ATF6: variants seen among roughly 807,000 people sequenced by gnomAD.
The protein encoded by ATF6 is cyclic AMP-dependent transcription factor ATF-6 alpha.
A neutral mutation model predicts 83.6 loss-of-function variants in ATF6; 53 were observed. The ratio of observed to expected loss-of-function variants is 0.63; its 90% CI spans 0.51 to 0.80. The LOEUF (loss-of-function observed/expected upper bound fraction) is 0.80, where lower values mean the gene tolerates loss of function less well. ATF6 is among the 30% of genes least tolerant of loss of function. ATF6 has a pLI of 0.00. For synonymous variants in ATF6, 288 were observed against 285.8 expected, an observed-to-expected ratio of 1.01 and a Z score of -0.08; for missense variants, 744 against 797.9, an observed-to-expected ratio of 0.93 and a Z score of 0.81.
At chr1:161,806,263 A>T (rs923893282) in intron 7 of ATF6, among the ~76,000 whole-genome samples, 2 of 152,220 alleles carry the variant, frequency 1.3e-5, no homozygotes, top group African/African-American at 4.8e-5. Flanking sequence ...TAGTGTTGCC[A>T]CACATCAAAC....
At chr1:161,947,689 G>A (rs2101915564) in intron 15 of ATF6, among the ~76,000 whole-genome samples, 1 of 151,868 alleles carries the variant, frequency 6.6e-6, no homozygotes, top group Non-Finnish European at 1.5e-5. Flanking sequence ...CTATTTATAT[G>A]CTTAAGTAGT....
Position 161,782,007 on chromosome 1 carries a change from T to C in ATF6, c.247+8T>C. On this transcript the variant is annotated splice_region_variant and intron_variant, in intron 3 of 15. Transcript: ENST00000367942. The stretch of plus-strand genomic sequence containing the variant: ...ACAACCAAATCTGTACAGGTAATTA[T>C]GTGTTTCACTGGTAAAAGTTTTAAA... 6.4e-7 allele frequency: 1 copy of C among 1,558,006 alleles called. No individual in the cohort carries two copies. Among genetic ancestry groups the C allele is most frequent in the Non-Finnish European group, 8.8e-7 (1 of 1,141,056 alleles).
intron 1 of ATF6, among the ~76,000 whole-genome samples, chr1:161,767,571 A>G (rs1185815264): frequency 6.6e-6 from 1 of 152,210 alleles, no homozygotes; most frequent in African/African-American, 2.4e-5. Context: ...TCCTACCAAC[A>G]GTCCAATGAG....
intron 10 of ATF6, among the ~76,000 whole-genome samples, chr1:161,850,008 C>T (rs1228705929): frequency 6.6e-6 from 1 of 152,130 alleles, no homozygotes; most frequent in Non-Finnish European, 1.5e-5. Flanking sequence ...TTGGTCCACT[C>T]CTCTCCGTCT....
chr1:161,852,318 G>T (rs1012511710), intron 11 of ATF6, among the ~76,000 whole-genome samples: 1 of 152,014 alleles, frequency 6.6e-6, no homozygotes, highest in Non-Finnish European at 1.5e-5. Context: ...ATCAACTACA[G>T]TTAAACATAG....
rs1689104437 is a variant in ATF6, at chr1:161,961,742, GCTCTTGGGGCTGACAATAATACA to G, written c.*3097_*3119del. On this transcript the variant is annotated 3_prime_UTR_variant, in exon 16 of 16. Transcript: ENST00000367942. ...TCCTCCTGTTATTAGATGATTTTGT[GCTCTTGGGGCTGACAATAATACA>G]CTCTTGGGAAGTGATGGTAGAGACT... 6.6e-6 allele frequency: 1 copy of G among 152,114 alleles called. No homozygotes were observed. The highest frequency in any genetic ancestry group is 2.4e-5 in the African/African-American group (1 of 41,410). The allele number at this position is 152,114 out of a possible 1,614,324, so 9.4% of individuals were successfully genotyped here.
chr1:161,770,295 A>G (rs574300422), intron 1 of ATF6, among the ~76,000 whole-genome samples: 2 of 152,320 alleles, frequency 1.3e-5, no homozygotes, highest in East Asian at 1.9e-4. Context: ...CAAAAATACT[A>G]TTTACAGTGT....
chr1:161,930,881 G>T (rs1051981834), intron 15 of ATF6, among the ~76,000 whole-genome samples: 65 of 152,108 alleles, frequency 4.3e-4, no homozygotes, highest in Admixed American at 3.7e-3. Context: ...TAAAATGTAG[G>T]TTCGTAGAAT....
intron 7 of ATF6, among the ~76,000 whole-genome samples, chr1:161,813,922 T>C (rs1274788588): frequency 6.6e-6 from 1 of 151,940 alleles, no homozygotes; most frequent in Admixed American, 6.6e-5. Flanking sequence ...TTCACTTTTG[T>C]TGCCCAGGCT....
At chr1:161,829,777 A>G (rs895270589) in intron 9 of ATF6, among the ~76,000 whole-genome samples, 17 of 152,230 alleles carry the variant, frequency 1.1e-4, no homozygotes, top group African/African-American at 4.1e-4. Context: ...AAAACTCTCA[A>G]TAAACTAGGT....
chr1:161,813,276 A>G (rs1685520126), intron 7 of ATF6, among the ~76,000 whole-genome samples: 2 of 152,202 alleles, frequency 1.3e-5, no homozygotes, highest in Non-Finnish European at 1.5e-5. Context: ...GATTGACCTT[A>G]TTTGAATAAT....
intron 1 of ATF6, among the ~76,000 whole-genome samples, chr1:161,772,442 T>G (rs1684409158): frequency 6.6e-6 from 1 of 152,170 alleles, no homozygotes; most frequent in South Asian, 2.1e-4. Flanking sequence ...TCTTCAAACC[T>G]CCAACATCTC....
intron 15 of ATF6, among the ~76,000 whole-genome samples, chr1:161,947,848 G>A (rs1162879332): frequency 1.3e-5 from 1 of 76,142 alleles, no homozygotes; most frequent in Non-Finnish European, 2.1e-5. Flanking sequence ...TTTTGAGATG[G>A]AGTGTTGCTC....
chr1:161,897,737 T>G (rs551991875), intron 14 of ATF6, among the ~76,000 whole-genome samples: 51 of 152,340 alleles, frequency 3.3e-4, no homozygotes, highest in Admixed American at 2.7e-3. Context: ...TTTTGAAGAC[T>G]TAGGGTGAAG....
rs1437134125 is a variant in ATF6 at position 161,960,000 on chromosome 1, A to C, written c.*1346A>C. 1.3e-5 allele frequency: 2 copies of C among 152,124 alleles called. No homozygotes were observed. Among genetic ancestry groups the C allele is most frequent in the Non-Finnish European group, 2.9e-5 (2 of 68,022 alleles). The allele number at this position is 152,124 out of a possible 1,614,324, so 9.4% of individuals were successfully genotyped here. A position where few individuals can be genotyped will look rare whatever the true frequency, so the allele number is the denominator to read the frequency against. ...GATTAGTGAACGTGGATTCCTGCTG[A>C]GGGAGTGCATCCCATAATATGGCAA... On this transcript the variant is annotated 3_prime_UTR_variant, in exon 16 of 16. Transcript: ENST00000367942.
intron 15 of ATF6, among the ~76,000 whole-genome samples, chr1:161,952,089 T>C (rs1423491672): frequency 3.4e-4 from 51 of 152,158 alleles, no homozygotes; most frequent in Admixed American, 3.3e-3. Context: ...CCTTCTCTTT[T>C]CCCATTATGC....
At chr1:161,939,901 G>A (rs558612802) in intron 15 of ATF6, among the ~76,000 whole-genome samples, 2 of 152,316 alleles carry the variant, frequency 1.3e-5, no homozygotes, top group East Asian at 3.9e-4. Flanking sequence ...TTTACTAGAG[G>A]AAAAAGAGCG....
rs752959048 is a variant in ATF6, at chr1:161,766,346, G to C, written c.-15G>C. The C allele has an allele frequency of 2.5e-6, 4 of 1,611,446 alleles. No individual in the cohort carries two copies. Among genetic ancestry groups the C allele is most frequent in the Non-Finnish European group, 3.4e-6 (4 of 1,177,934 alleles). On this transcript the variant is annotated 5_prime_UTR_variant, in exon 1 of 16. Coordinates refer to ENST00000367942, the MANE Select transcript of ATF6 (RefSeq NM_007348.4). ...GATATTAATCACGGAGTTCCAGGGA[G>C]AAGGAACTTGTGAAATGGGGGAGCC...
At chr1:161,833,779 A>C (rs1427851157) in intron 9 of ATF6, among the ~76,000 whole-genome samples, 1 of 152,226 alleles carries the variant, frequency 6.6e-6, no homozygotes, top group African/African-American at 2.4e-5. Context: ...TCTACGTCTA[A>C]TTGGTGCGCC....
Sources: gnomAD v4.1 joint callset for allele counts (sites outside exome capture counted in the v4.1 genomes callset) on GRCh38, gnomAD v4.1.1 for gene constraint, MANE v1.5 for transcripts, NCBI Gene and HGNC (gene_info 2026-07-23, HGNC 2026-07-21) for gene names.